Variants in MSH3 observed in about 807,000 individuals in gnomAD.
MSH3 encodes the protein DNA mismatch repair protein Msh3.
A neutral mutation model predicts 123.3 loss-of-function variants in MSH3; 106 were observed. That is an observed-to-expected ratio of 0.86 (90% CI 0.73 to 1.01). MSH3 has a LOEUF of 1.01. Among genes scored for constraint, MSH3 ranks in the 50% least tolerant of loss-of-function variants. The pLI, the probability that MSH3 is intolerant of heterozygous loss-of-function variation, is 0.00. For missense variants in MSH3, 1,459 were observed against 1,347.6 expected (o/e 1.08, Z -1.29); for synonymous variants, 515 against 481.4 (o/e 1.07, Z -0.91).
chr5:80,812,118 C>T (rs75119252), intron 19 of MSH3, among the ~76,000 whole-genome samples: 1,616 of 152,222 alleles, frequency 0.011, 12 homozygotes, highest in Non-Finnish European at 0.016. Flanking sequence ...CATATGGAGC[C>T]TTAAGAGAAA....
At chr5:80,838,213 T>C (rs796783552) in intron 20 of MSH3, among the ~76,000 whole-genome samples, 3 of 152,262 alleles carry the variant, frequency 2.0e-5, no homozygotes, top group African/African-American at 4.8e-5. Flanking sequence ...AAAGTGGAGA[T>C]GGTTGGGGTC....
At chr5:80,774,757 A>T (rs1272686484) in intron 15 of MSH3, among the ~76,000 whole-genome samples, 2 of 152,178 alleles carry the variant, frequency 1.3e-5, no homozygotes, top group African/African-American at 2.4e-5. Context: ...GGGAGCTAAA[A>T]ATTAAAACAG....
At chr5:80,806,775 G>A (rs372404845) in intron 19 of MSH3, among the ~76,000 whole-genome samples, 7 of 152,070 alleles carry the variant, frequency 4.6e-5, no homozygotes, top group African/African-American at 1.7e-4. Context: ...GATTTGTATT[G>A]GAATTGCATT....
rs1476610885 is a variant in MSH3, at chr5:80,779,877, A to G, written c.2435+1041A>G. Among the ~76,000 whole-genome samples, 5 of 152,122 alleles carry G rather than the reference A, an allele frequency of 3.3e-5. No individual in the cohort carries two copies. The East Asian group carries it at 9.6e-4, about 29-fold the overall frequency. On this transcript the variant is annotated intron_variant, in intron 17 of 23. Coordinates refer to ENST00000265081, the MANE Select transcript of MSH3 (RefSeq NM_002439.5). ...CTGTGCCGGCCAAAAAATTAACATT[A>G]ATTTATGAATATATTTGAATTTCTT...
intron 8 of MSH3, among the ~76,000 whole-genome samples, chr5:80,692,208 A>AGAT (rs1355929786): frequency 1.2e-4 from 15 of 125,356 alleles, no homozygotes; most frequent in South Asian, 8.5e-4. Context: ...TTAGATAGAT[A>AGAT]AACATGTATA....
chr5:80,740,444 G>A (rs1198371378), intron 10 of MSH3, among the ~76,000 whole-genome samples: 6 of 150,226 alleles, frequency 4.0e-5, no homozygotes, highest in South Asian at 2.1e-4. Context: ...TGCAACCTCC[G>A]CCTCCCGGGT....
chr5:80,730,352 A>C (rs1743388888), intron 10 of MSH3, among the ~76,000 whole-genome samples: 1 of 152,216 alleles, frequency 6.6e-6, no homozygotes, highest in South Asian at 2.1e-4. Flanking sequence ...ATATGTAGTT[A>C]GAGAATAAGT....
At chr5:80,710,889 C>T (rs539884491) in intron 8 of MSH3, among the ~76,000 whole-genome samples, 2 of 152,192 alleles carry the variant, frequency 1.3e-5, no homozygotes, top group Admixed American at 6.5e-5. Flanking sequence ...ATTCCCTCCC[C>T]CTTCGAGTGT....
chr5:80,692,751 TAGATAA>T (rs1561445423), intron 8 of MSH3, among the ~76,000 whole-genome samples: 9 of 133,738 alleles, frequency 6.7e-5, no homozygotes, highest in African/African-American at 1.4e-4. Context: ...TGTATATGTT[TAGATAA>T]ATATACATAC....
chr5:80,655,108 G>T, intron 1 of MSH3, 144 bp downstream of exon 1: 1 of 537,646 alleles, frequency 1.9e-6, no homozygotes, highest in South Asian at 2.7e-5. Context: ...GGTGGGAAGA[G>T]CCCAGCCGGG....
In MSH3 at chr5:80,865,879, G is replaced by A. The variant is rs561133989; in HGVS notation, c.3130+937G>A. 1.4e-4 allele frequency among the ~76,000 whole-genome samples: 21 copies of A among 152,302 alleles called. No homozygotes were observed. In the South Asian group the frequency reaches 3.7e-3, roughly 27 times the overall value. On this transcript the variant is annotated intron_variant, in intron 22 of 23. Transcript: ENST00000265081. ...GGGCCTAAGATAAATGTAATGTTAG[G>A]CAGTTCCTGCTTTTCACCACCATGC...
chr5:80,688,198 C>T (rs1057092010), intron 8 of MSH3, among the ~76,000 whole-genome samples: 1 of 152,202 alleles, frequency 6.6e-6, no homozygotes, highest in Non-Finnish European at 1.5e-5. Flanking sequence ...CTTTAGCTAT[C>T]TGACCTTTGA....
intron 20 of MSH3, among the ~76,000 whole-genome samples, chr5:80,820,377 A>G (rs1433570975): frequency 6.6e-6 from 1 of 152,232 alleles, no homozygotes; most frequent in Non-Finnish European, 1.5e-5. Flanking sequence ...TATATTGGGT[A>G]GTATCACACA....
At chr5:80,842,416 A>G (rs1051983260) in intron 20 of MSH3, among the ~76,000 whole-genome samples, 1 of 152,126 alleles carries the variant, frequency 6.6e-6, no homozygotes, top group African/African-American at 2.4e-5. Context: ...ATGAAGTTTA[A>G]AGTACTTTTT....
At chr5:80,831,709 G>A (rs560268122) in intron 20 of MSH3, among the ~76,000 whole-genome samples, 40 of 147,002 alleles carry the variant, frequency 2.7e-4, no homozygotes, top group African/African-American at 6.2e-4. Flanking sequence ...AAAAAAACAA[G>A]CTTTGACTTA....
At chr5:80,784,483 A>G (rs972527672) in intron 17 of MSH3, among the ~76,000 whole-genome samples, 9 of 152,168 alleles carry the variant, frequency 5.9e-5, no homozygotes, top group Non-Finnish European at 1.0e-4. Context: ...TGATACAGGC[A>G]TGCAATGTGA....
At chr5:80,675,646 G>C (rs1281073693) in intron 7 of MSH3, among the ~76,000 whole-genome samples, 1 of 152,138 alleles carries the variant, frequency 6.6e-6, no homozygotes, top group South Asian at 2.1e-4. Context: ...CAGCATTGGG[G>C]ATTACAATTC....
At chr5:80,826,918 A>T (rs546092542) in intron 20 of MSH3, among the ~76,000 whole-genome samples, 18 of 152,312 alleles carry the variant, frequency 1.2e-4, no homozygotes, top group South Asian at 4.1e-4. Context: ...AGATTTTTTT[A>T]AAAAGTAGAG....
At chr5:80,782,295 G>A (rs1744424333) in intron 17 of MSH3, among the ~76,000 whole-genome samples, 1 of 152,134 alleles carries the variant, frequency 6.6e-6, no homozygotes, top group African/African-American at 2.4e-5. Context: ...ACCAACTGCA[G>A]ATTGAAAATA....
Sources: allele counts gnomAD v4.1 joint callset (sites outside exome capture counted in the v4.1 genomes callset), GRCh38; gene constraint gnomAD v4.1.1; transcripts MANE v1.5; gene names NCBI Gene and HGNC (gene_info 2026-07-23, HGNC 2026-07-21).